The following ANO9 variants were observed in gnomAD, a reference collection of about 807,000 sequenced individuals.
ANO9 encodes the protein anoctamin-9.
In ANO9, 80 loss-of-function variants were observed where a neutral mutation model predicts 100.5. The ratio of observed to expected loss-of-function variants is 0.80; its 90% CI spans 0.66 to 0.96. The LOEUF (loss-of-function observed/expected upper bound fraction) is 0.96. ANO9 is among the 40% of genes least tolerant of loss of function. ANO9 has a pLI of 0.00. For synonymous variants in ANO9, 473 were observed against 435.6 expected (o/e 1.09, Z -1.07); for missense variants, 1,064 against 1,072.7 (o/e 0.99, Z 0.11).
chr11:431,784 A>G lies in ANO9; in HGVS notation c.466-17T>C. 5 of 1,612,386 alleles carry G rather than the reference A, an allele frequency of 3.1e-6. No homozygotes were observed. The highest frequency in any genetic ancestry group is 4.2e-6 in the Non-Finnish European group (5 of 1,179,524). On this transcript the variant is annotated splice_polypyrimidine_tract_variant and intron_variant, in intron 6 of 22. Coordinates refer to ENST00000332826, the MANE Select transcript of ANO9 (RefSeq NM_001012302.3). ...TCCCTCCCCCTGGCTCGGGTGACAG[A>G]GAGTGAGAGCCCCCATCCCAGGGTC...
At chr11:434,542 C>T (rs1849301610) in intron 1 of ANO9, among the ~76,000 whole-genome samples, 1 of 152,210 alleles carries the variant, frequency 6.6e-6, no homozygotes, top group Non-Finnish European at 1.5e-5. Flanking sequence ...ACCTGTTGGA[C>T]TGTTTTTAAA....
chr11:437,948 G>A (rs1260886232), intron 1 of ANO9, among the ~76,000 whole-genome samples: 14 of 152,194 alleles, frequency 9.2e-5, no homozygotes, highest in Non-Finnish European at 1.5e-5. Flanking sequence ...CCAGACCCCT[G>A]AGAAGGAAGG....
Position 418,459 on chromosome 11 carries a change from A to G in ANO9, c.2261T>C (p.Leu754Pro). 6.2e-7 allele frequency: 1 copy of G among 1,612,958 alleles called. No individual in the cohort carries two copies. Among genetic ancestry groups the G allele is most frequent in the Non-Finnish European group, 8.5e-7 (1 of 1,179,962 alleles). The part of the protein sequence containing the change: ...REKMWHGRQR[L>P]GGVGAGSRPP... ...CCGAGAGCCTGCCCCCACCCCACCC[A>G]GCCTCTGCCTTCCATGCCACATCTT... The change falls in exon 23 of 23, where the codon CTG (leucine) becomes CCG (proline). Residue 754 changes from leucine to proline, a missense_variant. Leu to Pro is a moderately conservative substitution (Grantham distance 98). Transcript: ENST00000332826.
intron 11 of ANO9, among the ~76,000 whole-genome samples, chr11:429,062 C>G (rs937976173): frequency 1.4e-5 from 2 of 138,408 alleles, no homozygotes; most frequent in Non-Finnish European, 3.1e-5. Flanking sequence ...AGGGACACGC[C>G]TCACGGGTGG....
In ANO9 at chr11:419,631, A is replaced by T. The variant is rs755446643; in HGVS notation, c.1885T>A (p.Tyr629Asn). 15 of 1,613,580 alleles carry T rather than the reference A, an allele frequency of 9.3e-6. No homozygotes were observed. The highest frequency in any genetic ancestry group is 7.6e-6 in the Non-Finnish European group (9 of 1,179,888). The change falls in exon 20 of 23, where the codon TAC (tyrosine) becomes AAC (asparagine). Residue 629 changes from tyrosine to asparagine, a missense_variant. Physicochemically the swap from Tyr to Asn is moderately radical, Grantham distance 143. Transcript: ENST00000332826. ...FTSEFIPRVV[Y>N]KYRYSPCLKE... ...AGGCATGGGCTATAGCGGTACTTGTAGACCACTCGGGGGATGAACTCAGAT... is the reference window on the plus strand; with the variant it reads ...AGGCATGGGCTATAGCGGTACTTGTTGACCACTCGGGGGATGAACTCAGAT...
At chr11:439,009 A>G (rs1274253418) in intron 1 of ANO9, among the ~76,000 whole-genome samples, 2 of 152,168 alleles carry the variant, frequency 1.3e-5, no homozygotes, top group Non-Finnish European at 2.9e-5. Flanking sequence ...CTGGGTGGAC[A>G]GCCGGCCAGG....
chr11:425,425 A>T (rs1181381470), intron 15 of ANO9, among the ~76,000 whole-genome samples: 1 of 152,142 alleles, frequency 6.6e-6, no homozygotes, highest in Non-Finnish European at 1.5e-5. Flanking sequence ...CAGGAGATGG[A>T]TTGGAAGGCA....
rs1395950135 is a variant in ANO9 at position 418,602 on chromosome 11, C to G, written c.2131-13G>C. 6.2e-7 allele frequency: 1 copy of G among 1,612,694 alleles called. No individual in the cohort carries two copies. The highest frequency in any genetic ancestry group is 1.7e-5 in the Admixed American group (1 of 60,022). Reference sequence around the variant, plus strand: ...ACAAGGCCACGTGCTAGCGGCAGCACAGGAGAGGCCCAGCACGGTCAGGTG... The same window carrying G: ...ACAAGGCCACGTGCTAGCGGCAGCAGAGGAGAGGCCCAGCACGGTCAGGTG... On this transcript the variant is annotated splice_polypyrimidine_tract_variant and intron_variant, in intron 22 of 22. Coordinates refer to ENST00000332826, the MANE Select transcript of ANO9 (RefSeq NM_001012302.3).
At position 420,109 on chromosome 11, in the gene ANO9, C is replaced by G. The variant is rs558014025; in HGVS notation, c.1786+354G>C. On this transcript the variant is annotated intron_variant, in intron 19 of 22. Transcript: ENST00000332826. ...TCCCCACATCCAGCGCCCCAGCTCC[C>G]GTCGCTCCCCTGCTGCCTGTCCGTC... 5.5e-4 allele frequency: 721 copies of G among 1,320,172 alleles called. 1 individual carries two copies. In the Middle Eastern group the frequency reaches 0.012, roughly 21 times the overall value. The allele number at this position is 1,320,172 out of a possible 1,614,324, so 81.8% of individuals were successfully genotyped here.
chr11:428,168 GCT>G lies in ANO9; in HGVS notation c.1252_1253del (p.Ser418GlnfsTer204). 2 of 1,611,948 alleles carry G rather than the reference GCT, an allele frequency of 1.2e-6. No homozygotes were observed. The highest frequency in any genetic ancestry group is 1.7e-6 in the Non-Finnish European group (2 of 1,179,688). On this transcript the variant is annotated frameshift_variant, in exon 15 of 23. Transcript: ENST00000332826. LOFTEE classifies it high-confidence loss of function. ...GTGTGAAGAAGCGGATGGTGAACCT[GCT>G]CTCTCGCTCCGAGAAGGTCCTGGGC... ...EMPRTFSERESRFTIRFFTLQ... is the reference protein window; with the variant it reads ...EMPRTFSEREXRFTIRFFTLQ...
chr11:433,454 G>T lies in ANO9; in HGVS notation c.210C>A (p.Ile70=). Residue 70 remains isoleucine (I), a synonymous_variant, in exon 4 of 23, where the codon ATC becomes ATA. Transcript: ENST00000332826. The part of the protein sequence containing the change: ...LRRKGFHIKV[I]RDQKQVFFGI... The stretch of plus-strand genomic sequence containing the variant: ...CAAAGAAGACCTGTTTCTGGTCCCG[G>T]ATCACCTGGGGGCACATGGGATCCT... The T allele has an allele frequency of 6.2e-7, 1 of 1,613,122 alleles. No individual in the cohort carries two copies. Among genetic ancestry groups the T allele is most frequent in the Non-Finnish European group, 8.5e-7 (1 of 1,179,848 alleles).
chr11:429,501 G>A lies in ANO9; in HGVS notation c.915+69C>T, dbSNP rs538527359. On this transcript the variant is annotated intron_variant, in intron 11 of 22. Coordinates refer to ENST00000332826, the MANE Select transcript of ANO9 (RefSeq NM_001012302.3). ...CAGACACGGCAGGCATATGTGGGCC[G>A]TGCAGGGCATCGGGCGCCAACAGCC... 293 of 1,585,556 alleles carry A rather than the reference G, an allele frequency of 1.8e-4. No individual in the cohort carries two copies. In the East Asian group the frequency reaches 4.1e-3, roughly 22 times the overall value.
intron 1 of ANO9, among the ~76,000 whole-genome samples, chr11:435,738 G>A (rs1402718655): frequency 6.8e-6 from 1 of 146,598 alleles, no homozygotes; most frequent in Admixed American, 6.8e-5. Context: ...AGCATAATAT[G>A]GTATAGTCTA....
chr11:429,689 G>T, intron 10 of ANO9, 37 bp from the exon 11 acceptor site: 2 of 1,612,554 alleles, frequency 1.2e-6, no homozygotes, highest in African/African-American at 1.3e-5. Context: ...ACTGCACTAC[G>T]CCAGGTGGAC....
In ANO9 at chr11:421,256, G is replaced by C; in HGVS notation, c.1335-58C>G. The C allele has an allele frequency of 1.4e-6, 2 of 1,449,954 alleles. No individual in the cohort carries two copies. The highest frequency in any genetic ancestry group is 1.8e-6 in the Non-Finnish European group (2 of 1,094,840). 89.8% of individuals were successfully genotyped at this position (1,449,954 alleles called of 1,614,324 possible). A position where few individuals can be genotyped will look rare whatever the true frequency, so the allele number is the denominator to read the frequency against. On this transcript the variant is annotated intron_variant, in intron 15 of 22. Coordinates refer to ENST00000332826, the MANE Select transcript of ANO9 (RefSeq NM_001012302.3). This position sits in a 1 kb window ranked among gnomAD's most constrained non-coding sequence, Gnocchi z 6.8. ...GGCAGCGCCCTGCCTCTGACAGGGT[G>C]GGTGCAGCAGGACAGAAGCGGGTAG...
chr11:420,355 C>T, intron 19 of ANO9, 108 bp downstream of exon 19: 1 of 1,506,800 alleles, frequency 6.6e-7, no homozygotes. Context: ...TGTCTGCGGC[C>T]TGAGATCCGA....
intron 19 of ANO9, chr11:420,080 C>T: frequency 1.5e-6 from 2 of 1,320,262 alleles, no homozygotes. Flanking sequence ...CACCTCTCTC[C>T]CTTTCCCCAC....
chr11:438,566 G>C (rs367581318), intron 1 of ANO9, among the ~76,000 whole-genome samples: 1 of 151,466 alleles, frequency 6.6e-6, no homozygotes, highest in South Asian at 2.1e-4. Flanking sequence ...CTCCAGGACC[G>C]GGCCGTCCAT....
rs116804097 is a variant in ANO9, at chr11:429,648, C to T, written c.837G>A (p.Thr279=). Reference sequence around the variant, plus strand: ...GCCGCTTCCAGATCTCCAGGAACACCGTGGCTGCGGCGGGGGCAAGGAGGG... The same window carrying T: ...GCCGCTTCCAGATCTCCAGGAACACTGTGGCTGCGGCGGGGGCAAGGAGGG... ...VFAIFMALWA[T]VFLEIWKRQR... Residue 279 remains threonine, a synonymous_variant, in exon 11 of 23, where the codon ACG becomes ACA. Coordinates refer to ENST00000332826, the MANE Select transcript of ANO9 (RefSeq NM_001012302.3). The T allele has an allele frequency of 4.3e-4, 700 of 1,612,612 alleles. No homozygotes were observed. Among genetic ancestry groups the T allele is most frequent in the Middle Eastern group, 4.9e-4 (3 of 6,062 alleles).
Sources: allele counts gnomAD v4.1 joint callset (sites outside exome capture counted in the v4.1 genomes callset), GRCh38; gene constraint gnomAD v4.1.1; non-coding constraint Gnocchi (gnomAD v3.1); transcripts MANE v1.5; gene names NCBI Gene and HGNC (gene_info 2026-07-23, HGNC 2026-07-21).